The following TMEM178B variants were observed in gnomAD, a reference collection of about 807,000 sequenced individuals.
TMEM178B encodes the protein transmembrane protein 178B.
Under a neutral mutation model 31.0 loss-of-function variants are expected in TMEM178B, and 5 were observed. The ratio of observed to expected loss-of-function variants is 0.16; its 90% CI spans 0.08 to 0.34. The LOEUF (loss-of-function observed/expected upper bound fraction) is 0.34, where lower values mean the gene tolerates loss of function less well. Ranked by LOEUF, TMEM178B falls within the 10% of genes least tolerant of loss-of-function variation. The pLI, the probability that TMEM178B is intolerant of heterozygous loss-of-function variation, is 1.00. For missense variants in TMEM178B, 275 were observed against 400.3 expected (o/e 0.69, Z 2.67); for synonymous variants, 164 against 164.0 (o/e 1.00, Z 0.00).
intron 1 of TMEM178B, among the ~76,000 whole-genome samples, chr7:141,096,389 T>G (rs1440509799): frequency 1.3e-5 from 2 of 152,208 alleles, no homozygotes; most frequent in Non-Finnish European, 2.9e-5. Flanking sequence ...TGTGATTGCC[T>G]ATTTTCTTCT....
chr7:141,400,115 C>A (rs931657561), intron 2 of TMEM178B, among the ~76,000 whole-genome samples: 1 of 152,138 alleles, frequency 6.6e-6, no homozygotes, highest in Non-Finnish European at 1.5e-5. Flanking sequence ...TGCTATGGGT[C>A]GTCATGCATC....
At chr7:141,156,364 C>T (rs1796070074) in intron 1 of TMEM178B, among the ~76,000 whole-genome samples, 1 of 152,170 alleles carries the variant, frequency 6.6e-6, no homozygotes. Flanking sequence ...AATGATATTA[C>T]TAAGGCAGTG....
At chr7:141,370,277 C>T (rs191215307) in intron 2 of TMEM178B, among the ~76,000 whole-genome samples, 6 of 152,272 alleles carry the variant, frequency 3.9e-5, no homozygotes, top group South Asian at 2.1e-4. Context: ...TGAGGATCTG[C>T]GGTTTTAACT....
chr7:141,342,050 T>A (rs1224694984), intron 2 of TMEM178B, among the ~76,000 whole-genome samples: 2 of 152,184 alleles, frequency 1.3e-5, no homozygotes, highest in African/African-American at 2.4e-5. Context: ...TGGGTTCCAG[T>A]GATTCACCTG....
chr7:141,503,768 C>G, the TMEM178B span, among the ~76,000 whole-genome samples: 36 of 152,312 alleles, frequency 2.4e-4, no homozygotes, highest in South Asian at 7.3e-3. Context: ...ATTGAGGTTT[C>G]ATGTGCAAAT....
chr7:141,508,139 A>G, the TMEM178B span, among the ~76,000 whole-genome samples: 1 of 152,184 alleles, frequency 6.6e-6, no homozygotes, highest in African/African-American at 2.4e-5. Context: ...TCACCTCTTG[A>G]ATGCTTTGCT....
intron 1 of TMEM178B, among the ~76,000 whole-genome samples, chr7:141,205,620 G>A (rs1796950467): frequency 6.6e-6 from 1 of 152,198 alleles, no homozygotes; most frequent in Non-Finnish European, 1.5e-5. Context: ...TTGATCCAAA[G>A]GAATGACTCT....
chr7:141,339,306 C>T (rs1213897187), intron 2 of TMEM178B, among the ~76,000 whole-genome samples: 1 of 152,142 alleles, frequency 6.6e-6, no homozygotes, highest in Non-Finnish European at 1.5e-5. Context: ...AGCCACCTCT[C>T]GTCCGCCTCA....
chr7:141,090,521 TC>T (rs1794865070), intron 1 of TMEM178B, among the ~76,000 whole-genome samples: 1 of 152,212 alleles, frequency 6.6e-6, no homozygotes, highest in South Asian at 2.1e-4. Context: ...GTGACTTTGG[TC>T]AGATAATGAG....
At chr7:141,394,919 C>T (rs954253217) in intron 2 of TMEM178B, among the ~76,000 whole-genome samples, 19 of 152,178 alleles carry the variant, frequency 1.2e-4, no homozygotes, top group Non-Finnish European at 2.1e-4. Context: ...AGTTCTTGTT[C>T]TATGTTTTAA....
chr7:141,378,993 C>T (rs954479886), intron 2 of TMEM178B, among the ~76,000 whole-genome samples: 1 of 152,106 alleles, frequency 6.6e-6, no homozygotes, highest in Non-Finnish European at 1.5e-5. Flanking sequence ...ACAGGGGCAC[C>T]AAGGGGCCTC....
intron 1 of TMEM178B, among the ~76,000 whole-genome samples, chr7:141,198,678 A>T (rs1220684028): frequency 6.6e-6 from 1 of 152,014 alleles, no homozygotes; most frequent in Non-Finnish European, 1.5e-5. Flanking sequence ...TCCCATCTCC[A>T]GATCTGTCTC....
rs137856002 is a variant in TMEM178B at position 141,322,142 on chromosome 7, T to C, written c.496+109438T>C. Among the ~76,000 whole-genome samples the C allele has an allele frequency of 3.6e-3, 554 of 152,284 alleles. 2 individuals carry two copies. Among genetic ancestry groups the C allele is most frequent in the Non-Finnish European group, 6.1e-3 (414 of 68,026 alleles). The stretch of plus-strand genomic sequence containing the variant: ...TGCTCGGTTGTAGAAACTCAATAAA[T>C]GTAGCCTTTTTTGTTGTTATCATTA... On this transcript the variant is annotated intron_variant, in intron 2 of 3. Coordinates refer to ENST00000565468, the MANE Select transcript of TMEM178B (RefSeq NM_001195278.2).
At chr7:141,261,301 C>T (rs1798008443) in intron 2 of TMEM178B, among the ~76,000 whole-genome samples, 1 of 151,894 alleles carries the variant, frequency 6.6e-6, no homozygotes, top group African/African-American at 2.4e-5. Context: ...ATTGGGAAAC[C>T]TCACTTGTAT....
chr7:141,304,031 G>A (rs1427027035), intron 2 of TMEM178B, among the ~76,000 whole-genome samples: 1 of 152,270 alleles, frequency 6.6e-6, no homozygotes, highest in East Asian at 1.9e-4. Context: ...CAGGTTTTTG[G>A]ATGTAAATTT....
At chr7:141,287,394 C>T (rs973736754) in intron 2 of TMEM178B, among the ~76,000 whole-genome samples, 3 of 152,138 alleles carry the variant, frequency 2.0e-5, no homozygotes, top group African/African-American at 7.2e-5. Context: ...TTTGTAGTGA[C>T]TTGGTGGATT....
chr7:141,510,249 G>A, the TMEM178B span, among the ~76,000 whole-genome samples: 2 of 152,114 alleles, frequency 1.3e-5, no homozygotes, highest in Non-Finnish European at 2.9e-5. Context: ...GAGAAGATAA[G>A]ATAACTCCCT....
intron 1 of TMEM178B, among the ~76,000 whole-genome samples, chr7:141,142,195 C>T (rs1433009989): frequency 6.9e-6 from 1 of 144,624 alleles, no homozygotes. Flanking sequence ...TAATGGCCCC[C>T]AGCTGTATCC....
At chr7:141,220,400 C>G (rs2129189367) in intron 2 of TMEM178B, among the ~76,000 whole-genome samples, 1 of 151,822 alleles carries the variant, frequency 6.6e-6, no homozygotes, top group South Asian at 2.1e-4. Context: ...GTGGGTCCCA[C>G]CTACTTAGAT....
Sources: gnomAD v4.1 joint callset for allele counts (sites outside exome capture counted in the v4.1 genomes callset) on GRCh38, gnomAD v4.1.1 for gene constraint, MANE v1.5 for transcripts, NCBI Gene and HGNC (gene_info 2026-07-23, HGNC 2026-07-21) for gene names.